The following EFCAB8 variants were observed in gnomAD, a reference collection of about 807,000 sequenced individuals.
The protein encoded by EFCAB8 is EF-hand calcium-binding domain-containing protein 8.
A neutral mutation model predicts 116.3 loss-of-function variants in EFCAB8; 100 were observed. That is an observed-to-expected ratio of 0.86 (90% CI 0.73 to 1.02). The LOEUF (loss-of-function observed/expected upper bound fraction) is 1.02, where lower values mean the gene tolerates loss of function less well. Among genes scored for constraint, EFCAB8 ranks in the 50% least tolerant of loss-of-function variants. The pLI is 0.00. For missense variants in EFCAB8, 1,320 were observed against 1,416.9 expected (o/e 0.93, Z 1.10); for synonymous variants, 558 against 567.9 (o/e 0.98, Z 0.25).
intron 23 of EFCAB8, among the ~76,000 whole-genome samples, chr20:32,948,673 C>G (rs1988701203): frequency 6.6e-6 from 1 of 151,944 alleles, no homozygotes; most frequent in Non-Finnish European, 1.5e-5. Flanking sequence ...TAAAATCCAG[C>G]AATGATCACA....
chr20:32,899,544 C>A (rs1030369375), intron 11 of EFCAB8, among the ~76,000 whole-genome samples: 2 of 152,114 alleles, frequency 1.3e-5, no homozygotes, highest in African/African-American at 4.8e-5. Flanking sequence ...TTCCCTGACC[C>A]AGTTATCAAA....
intron 5 of EFCAB8, among the ~76,000 whole-genome samples, chr20:32,884,932 C>T (rs533048235): frequency 6.6e-6 from 1 of 152,320 alleles, no homozygotes; most frequent in Non-Finnish European, 1.5e-5. Flanking sequence ...TATGAATGCT[C>T]AAGGGCGGCC....
At chr20:32,932,142 G>A (rs1386181942) in intron 22 of EFCAB8, among the ~76,000 whole-genome samples, 1 of 152,190 alleles carries the variant, frequency 6.6e-6, no homozygotes, top group Non-Finnish European at 1.5e-5. Flanking sequence ...ACTTTGGGAG[G>A]CCAAGGCTGG....
chr20:32,911,846 C>T (rs972100751), intron 16 of EFCAB8, 139 bp downstream of exon 16: 3 of 790,054 alleles, frequency 3.8e-6, no homozygotes, highest in African/African-American at 3.4e-5. Context: ...CTTCAAACCT[C>T]CCTGAGCCTC....
At chr20:32,893,495 C>T (rs960971513) in intron 9 of EFCAB8, among the ~76,000 whole-genome samples, 197 bp downstream of exon 9, 8 of 152,190 alleles carry the variant, frequency 5.3e-5, no homozygotes, top group East Asian at 1.9e-4. Context: ...CAGAAGACCA[C>T]GAGGGCTGGG....
At chr20:32,927,420 C>T (rs753081548) in intron 20 of EFCAB8, among the ~76,000 whole-genome samples, 1 of 152,122 alleles carries the variant, frequency 6.6e-6, no homozygotes, top group Non-Finnish European at 1.5e-5. Flanking sequence ...TCTTGGTTCA[C>T]TGCAACCTCC....
intron 23 of EFCAB8, among the ~76,000 whole-genome samples, chr20:32,957,297 G>A (rs371052107): frequency 1.3e-4 from 20 of 149,766 alleles, no homozygotes; most frequent in African/African-American, 4.9e-4. Flanking sequence ...CTTTTCACAT[G>A]TCATATATAC....
chr20:32,925,837 G>T (rs939071281), intron 20 of EFCAB8, among the ~76,000 whole-genome samples: 1 of 152,236 alleles, frequency 6.6e-6, no homozygotes, highest in African/African-American at 2.4e-5. Flanking sequence ...TACTATCTGG[G>T]ATTCCTGGGC....
intron 22 of EFCAB8, among the ~76,000 whole-genome samples, chr20:32,940,027 T>TCCCTCCCTACCTCCCTC: frequency 3.6e-5 from 1 of 27,864 alleles, no homozygotes; most frequent in Non-Finnish European, 6.7e-5. Flanking sequence ...CTCCCTCCCT[T>TCCCTCCCTACCTCCCTC]CCTTCCTTCC....
chr20:32,961,421 T>A lies in EFCAB8; in HGVS notation c.3679T>A (p.Phe1227Ile). 1 of 1,457,574 alleles carries A rather than the reference T, an allele frequency of 6.9e-7. No individual in the cohort carries two copies. The highest frequency in any genetic ancestry group is 9.1e-7 in the Non-Finnish European group (1 of 1,103,208). 90.3% of individuals were successfully genotyped at this position (1,457,574 alleles called of 1,614,324 possible). Residue 1227 changes from phenylalanine (F) to isoleucine (I), a missense_variant, in exon 27 of 27, where the codon TTC becomes ATC. By Grantham distance (21) the Phe-to-Ile change is conservative (BLOSUM62 0). Transcript: ENST00000400522. Reference sequence around the variant, plus strand: ...CACCTTCCTGACGCCCCAGTTCTCCTTCTTGCTGCGGCCCCAGTCAGCCTC... The same window carrying A: ...CACCTTCCTGACGCCCCAGTTCTCCATCTTGCTGCGGCCCCAGTCAGCCTC... ...LPTFLTPQFS[F>I]LLRPQSASTA...
intron 1 of EFCAB8, among the ~76,000 whole-genome samples, chr20:32,860,731 G>T (rs1984072115): frequency 1.3e-5 from 2 of 151,546 alleles, no homozygotes; most frequent in Non-Finnish European, 2.9e-5. Flanking sequence ...CTGCATCTTG[G>T]TTTTTTTATT....
chr20:32,894,735 G>A (rs1986077219), intron 9 of EFCAB8, among the ~76,000 whole-genome samples: 1 of 152,214 alleles, frequency 6.6e-6, no homozygotes, highest in African/African-American at 2.4e-5. Flanking sequence ...GATAGCTTTG[G>A]TATAAGAAAC....
At chr20:32,925,558 G>T (rs1987637870) in intron 20 of EFCAB8, among the ~76,000 whole-genome samples, 1 of 152,204 alleles carries the variant, frequency 6.6e-6, no homozygotes, top group East Asian at 1.9e-4. Flanking sequence ...TTGCCATGTT[G>T]TCCAGGCTTG....
At chr20:32,943,574 C>T (rs112731107) in intron 22 of EFCAB8, 62 bp from the exon 23 acceptor site, 66 of 416,478 alleles carry the variant, frequency 1.6e-4, no homozygotes, top group African/African-American at 9.6e-4. Flanking sequence ...GTCCTGGGTG[C>T]CTTCTAATTA....
chr20:32,902,493 T>C lies in EFCAB8; in HGVS notation c.1088+3870T>C, dbSNP rs182769173. Among the ~76,000 whole-genome samples, 267 of 152,274 alleles carry C rather than the reference T, an allele frequency of 1.8e-3. 1 individual carries two copies. Among genetic ancestry groups the C allele is most frequent in the African/African-American group, 6.2e-3 (256 of 41,556 alleles). ...CAGACACGGTGGCTCACTTCTGTAA[T>C]CCTAGCACTTAGGGAGGCCAAGGCA... On this transcript the variant is annotated intron_variant, in intron 11 of 26. Transcript: ENST00000400522.
chr20:32,939,201 TTCCTCTC>T (rs1988297431), intron 22 of EFCAB8, among the ~76,000 whole-genome samples: 1 of 76,516 alleles, frequency 1.3e-5, no homozygotes, highest in African/African-American at 5.3e-5. Context: ...CTTTCTTTCT[TTCCTCTC>T]TCTCTCTCTC....
intron 20 of EFCAB8, among the ~76,000 whole-genome samples, chr20:32,926,489 A>C (rs55901614): frequency 0.041 from 6,110 of 148,490 alleles, 430 homozygotes; most frequent in African/African-American, 0.14. Context: ...CTCTCAGCAC[A>C]TAATAATCTA....
intron 1 of EFCAB8, among the ~76,000 whole-genome samples, chr20:32,863,316 C>T (rs1448955852): frequency 1.3e-5 from 2 of 152,158 alleles, no homozygotes; most frequent in Non-Finnish European, 2.9e-5. Context: ...GTTCTGTCTG[C>T]TCTCCCGAAG....
intron 23 of EFCAB8, among the ~76,000 whole-genome samples, 185 bp downstream of exon 23, chr20:32,943,989 C>A (rs953094452): frequency 6.6e-6 from 1 of 152,146 alleles, no homozygotes; most frequent in African/African-American, 2.4e-5. Flanking sequence ...ATCCATTCAC[C>A]CATCCACCCA....
Sources: gnomAD v4.1 joint callset for allele counts (sites outside exome capture counted in the v4.1 genomes callset) on GRCh38, gnomAD v4.1.1 for gene constraint, MANE v1.5 for transcripts, NCBI Gene and HGNC (gene_info 2026-07-23, HGNC 2026-07-21) for gene names.